TMTC1: variants seen among roughly 807,000 people sequenced by gnomAD.
The protein encoded by TMTC1 is transmembrane O-mannosyltransferase targeting cadherins 1.
In TMTC1, 73 loss-of-function variants were observed where a neutral mutation model predicts 104.8. That is an observed-to-expected ratio of 0.70 (90% confidence interval 0.58 to 0.85). The LOEUF is 0.85. Ranked by LOEUF, TMTC1 falls within the 40% of genes least tolerant of loss-of-function variation. The pLI is 0.00. For missense variants in TMTC1, 1,035 were observed against 1,096.1 expected, an observed-to-expected ratio of 0.94 and a Z score of 0.79; for synonymous variants, 434 against 428.7, an observed-to-expected ratio of 1.01 and a Z score of -0.15.
intron 5 of TMTC1, among the ~76,000 whole-genome samples, chr12:29,734,483 A>G (rs749675010): frequency 6.6e-6 from 1 of 152,206 alleles, no homozygotes; most frequent in Non-Finnish European, 1.5e-5. Flanking sequence ...TGCTGCAGTA[A>G]GCAGGTGGAT....
At chr12:29,768,167 A>ATAAGC in intron 1 of TMTC1, 92 bp from the exon 2 acceptor site, 3 of 950,624 alleles carry the variant, frequency 3.2e-6, no homozygotes, top group Non-Finnish European at 4.6e-6. Context: ...ATTTAAAAAG[A>ATAAGC]TAAGCTATTA....
At chr12:29,752,803 G>A (rs1364151952) in intron 4 of TMTC1, among the ~76,000 whole-genome samples, 1 of 152,148 alleles carries the variant, frequency 6.6e-6, no homozygotes, top group East Asian at 1.9e-4. Context: ...ACTAGCATGT[G>A]TGTATATGAA....
intron 5 of TMTC1, among the ~76,000 whole-genome samples, chr12:29,722,763 T>C (rs1942270730): frequency 6.6e-6 from 1 of 151,334 alleles, no homozygotes. Context: ...CTACTACAAA[T>C]ACAAAAAAAC....
intron 5 of TMTC1, among the ~76,000 whole-genome samples, chr12:29,673,828 C>T (rs921668998): frequency 3.0e-5 from 4 of 133,256 alleles, no homozygotes; most frequent in African/African-American, 8.5e-5. Context: ...GGTGAGATCT[C>T]GGCTCACCAC....
intron 6 of TMTC1, among the ~76,000 whole-genome samples, chr12:29,607,891 C>T (rs1027120665): frequency 6.6e-6 from 1 of 152,202 alleles, no homozygotes; most frequent in South Asian, 2.1e-4. Flanking sequence ...AGCTTACACA[C>T]AGCCCGCCAC....
rs112477346 is a variant in TMTC1 at position 29,581,554 on chromosome 12, A to AT, written c.1418+1852dup. Among the ~76,000 whole-genome samples the AT allele has an allele frequency of 7.2e-4, 108 of 151,002 alleles. 1 individual carries two copies. Among genetic ancestry groups the AT allele is most frequent in the African/African-American group, 2.0e-3 (82 of 41,062 alleles). On this transcript the variant is annotated intron_variant, in intron 8 of 17. Transcript: ENST00000539277. ...CTTCTGGATGCAAGGCCAATCAGCT[A>AT]TTTTTTTTTCTTTTTTTTTTACATC...
chr12:29,709,119 A>C (rs909123204), intron 5 of TMTC1, among the ~76,000 whole-genome samples: 1 of 152,218 alleles, frequency 6.6e-6, no homozygotes, highest in Non-Finnish European at 1.5e-5. Flanking sequence ...AAAATACTCT[A>C]TTCCATCTAT....
intron 10 of TMTC1, among the ~76,000 whole-genome samples, chr12:29,551,050 C>T (rs1249020335): frequency 2.7e-5 from 4 of 149,190 alleles, no homozygotes; most frequent in Non-Finnish European, 5.9e-5. Flanking sequence ...GGGATTGGGA[C>T]TAGAAGTAAC....
At position 29,572,161 on chromosome 12, in the gene TMTC1, G is replaced by A. The variant is rs758925441; in HGVS notation, c.1476C>T (p.Phe492=). The A allele has an allele frequency of 1.2e-6, 2 of 1,614,010 alleles. No homozygotes were observed. The highest frequency in any genetic ancestry group is 2.2e-5 in the East Asian group (1 of 44,878). ...CCTTGTTCCGACCTTGGTCCTTCAGGAAATTGGCATAGTTGTAGTGAACCT... is the reference window on the plus strand; with the variant it reads ...CCTTGTTCCGACCTTGGTCCTTCAGAAAATTGGCATAGTTGTAGTGAACCT... The part of the protein sequence containing the change: ...NAKVHYNYAN[F]LKDQGRNKEA... Residue 492 remains phenylalanine (F), a synonymous_variant, in exon 9 of 18, where the codon TTC becomes TTT. Transcript: ENST00000539277.
At chr12:29,732,071 C>CT (rs1283444755) in intron 5 of TMTC1, among the ~76,000 whole-genome samples, 1 of 151,876 alleles carries the variant, frequency 6.6e-6, no homozygotes, top group Non-Finnish European at 1.5e-5. Flanking sequence ...ATTGTTGTAA[C>CT]TTTTTTTTAA....
intron 7 of TMTC1, among the ~76,000 whole-genome samples, chr12:29,595,318 C>T (rs955869823): frequency 6.6e-6 from 1 of 152,202 alleles, no homozygotes; most frequent in Admixed American, 6.5e-5. Context: ...AACACATTGG[C>T]CAGTGGATCT....
At chr12:29,509,706 G>A (rs1382636759) in intron 17 of TMTC1, among the ~76,000 whole-genome samples, 2 of 152,120 alleles carry the variant, frequency 1.3e-5, no homozygotes, top group Admixed American at 1.3e-4. Flanking sequence ...AACTGCAAAG[G>A]TGGCAATTTT....
chr12:29,769,758 A>G (rs976199612), intron 1 of TMTC1, among the ~76,000 whole-genome samples: 1 of 152,110 alleles, frequency 6.6e-6, no homozygotes, highest in African/African-American at 2.4e-5. Context: ...AAAACAGGCA[A>G]TCTCACATCT....
intron 4 of TMTC1, among the ~76,000 whole-genome samples, chr12:29,752,883 G>A (rs545417427): frequency 3.9e-5 from 6 of 152,254 alleles, no homozygotes; most frequent in Non-Finnish European, 7.3e-5. Flanking sequence ...TCTGGAGAGA[G>A]AGGATAAGGA....
At chr12:29,598,144 T>G (rs1379926457) in intron 7 of TMTC1, among the ~76,000 whole-genome samples, 4 of 152,206 alleles carry the variant, frequency 2.6e-5, no homozygotes, top group Non-Finnish European at 2.9e-5. Flanking sequence ...CGTGGAGTCC[T>G]AGTTCAGCTT....
chr12:29,720,259 A>G (rs2136877880), intron 5 of TMTC1, among the ~76,000 whole-genome samples: 1 of 152,294 alleles, frequency 6.6e-6, no homozygotes, highest in Middle Eastern at 3.4e-3. Context: ...CAATTCTCCA[A>G]GCTAGATCCC....
chr12:29,688,315 CAAATT>C (rs959038777), intron 5 of TMTC1, among the ~76,000 whole-genome samples: 3 of 152,202 alleles, frequency 2.0e-5, no homozygotes, highest in Non-Finnish European at 4.4e-5. Context: ...CTTTATTTCT[CAAATT>C]AAATAAAACA....
chr12:29,555,299 G>A (rs957461031), intron 10 of TMTC1, among the ~76,000 whole-genome samples: 6 of 151,052 alleles, frequency 4.0e-5, no homozygotes, highest in Admixed American at 6.6e-5. Context: ...CACCAGGCCC[G>A]GTAATTTTTT....
chr12:29,637,301 C>T lies in TMTC1; in HGVS notation c.939-3965G>A, dbSNP rs984749468. Among the ~76,000 whole-genome samples, 9 of 152,284 alleles carry T rather than the reference C, an allele frequency of 5.9e-5. No individual in the cohort carries two copies. The South Asian group carries it at 1.7e-3, about 28-fold the overall frequency. ...AAGCAAATCATCCTGTTTATTTCTG[C>T]TATAATTTCAGAAGCAAAATAATCT... On this transcript the variant is annotated intron_variant, in intron 5 of 17. Coordinates refer to ENST00000539277, the MANE Select transcript of TMTC1 (RefSeq NM_001193451.2).
Sources: gnomAD v4.1 joint callset for allele counts (sites outside exome capture counted in the v4.1 genomes callset) on GRCh38, gnomAD v4.1.1 for gene constraint, MANE v1.5 for transcripts, NCBI Gene and HGNC (gene_info 2026-07-23, HGNC 2026-07-21) for gene names.